PPP2R2C: variants seen among roughly 807,000 people sequenced by gnomAD.
PPP2R2C encodes protein phosphatase 2 regulatory subunit Bgamma, also known as protein phosphatase 2, regulatory subunit B, gamma.
PPP2R2C carries 10 observed loss-of-function variants against 45.3 expected under a neutral mutation model. That is an observed-to-expected ratio of 0.22 (90% CI 0.14 to 0.37). The LOEUF (loss-of-function observed/expected upper bound fraction) is 0.37, where lower values mean the gene tolerates loss of function less well. PPP2R2C is among the 10% of genes least tolerant of loss of function. The pLI is 1.00. For missense variants in PPP2R2C, 308 were observed against 619.7 expected (o/e 0.50, Z 5.34); for synonymous variants, 257 against 245.4 (o/e 1.05, Z -0.44).
chr4:6,426,958 T>G (rs1382977290), intron 1 of PPP2R2C, among the ~76,000 whole-genome samples: 1 of 152,230 alleles, frequency 6.6e-6, no homozygotes, highest in African/African-American at 2.4e-5. Flanking sequence ...AAAAGCTAAG[T>G]TAATTTTGAA....
intron 2 of PPP2R2C, among the ~76,000 whole-genome samples, chr4:6,492,265 T>TTG (rs1158981516): frequency 3.9e-5 from 6 of 152,054 alleles, no homozygotes; most frequent in Admixed American, 3.3e-4. Context: ...CCAGAGAAGG[T>TTG]ATCACCACCC....
At chr4:6,542,977 A>G (rs1724854824) in intron 1 of PPP2R2C, among the ~76,000 whole-genome samples, 1 of 152,260 alleles carries the variant, frequency 6.6e-6, no homozygotes, top group Admixed American at 6.5e-5. Context: ...GAAAAAAAGC[A>G]GGGAGGCCTG....
intron 1 of PPP2R2C, among the ~76,000 whole-genome samples, chr4:6,390,133 G>T (rs375455943): frequency 6.6e-6 from 1 of 152,144 alleles, no homozygotes; most frequent in Admixed American, 6.5e-5. Context: ...TTACCTCCAC[G>T]TACTTCCAGG....
intron 2 of PPP2R2C, among the ~76,000 whole-genome samples, chr4:6,523,814 T>C (rs1724102498): frequency 6.6e-6 from 1 of 152,234 alleles, no homozygotes; most frequent in African/African-American, 2.4e-5. Flanking sequence ...GGAAACACCC[T>C]AAGTATCCAT....
intron 2 of PPP2R2C, among the ~76,000 whole-genome samples, chr4:6,481,896 T>C (rs970147838): frequency 1.4e-5 from 2 of 145,872 alleles, no homozygotes; most frequent in African/African-American, 5.1e-5. Context: ...GAAGAATAGC[T>C]TGAAGCCGGG....
intron 1 of PPP2R2C, chr4:6,383,621 GA>G (rs1716015490): frequency 2.0e-6 from 1 of 502,174 alleles, no homozygotes; most frequent in African/African-American, 2.0e-5. Flanking sequence ...TCACCTTGCT[GA>G]AACTGCTGTC....
At chr4:6,411,112 C>A (rs1718162214) in intron 1 of PPP2R2C, among the ~76,000 whole-genome samples, 2 of 152,030 alleles carry the variant, frequency 1.3e-5, no homozygotes, top group East Asian at 3.9e-4. Flanking sequence ...CTCAAGTGAT[C>A]TACCCACCTC....
intron 1 of PPP2R2C, among the ~76,000 whole-genome samples, chr4:6,537,794 C>T (rs1724681185): frequency 6.6e-6 from 1 of 152,156 alleles, no homozygotes; most frequent in Admixed American, 6.5e-5. Context: ...TCGTGATCCA[C>T]CTGCCTCGGC....
At chr4:6,433,126 G>A (rs976739960) in intron 1 of PPP2R2C, among the ~76,000 whole-genome samples, 2 of 152,126 alleles carry the variant, frequency 1.3e-5, no homozygotes, top group Non-Finnish European at 2.9e-5. Context: ...ATCAAGAGGA[G>A]GCTATTAGTT....
intron 1 of PPP2R2C, among the ~76,000 whole-genome samples, chr4:6,541,580 T>A (rs984396413): frequency 7.2e-5 from 11 of 152,058 alleles, no homozygotes; most frequent in Non-Finnish European, 4.4e-5. Context: ...AGAGTCCCAC[T>A]CTGTCACCCA....
intron 1 of PPP2R2C, among the ~76,000 whole-genome samples, chr4:6,456,200 A>AT (rs1232711275): frequency 2.0e-5 from 3 of 152,244 alleles, no homozygotes; most frequent in Non-Finnish European, 2.9e-5. Flanking sequence ...AGTGCATTTA[A>AT]TATTTTAAAA....
At position 6,331,856 on chromosome 4, in the gene PPP2R2C, G is replaced by A. The variant is rs72616118; in HGVS notation, c.960+1706C>T. ...TGTGGGAGAAAAATAGCCCCGATTTGTTAAGCACCGCACACCAGCCGAACG... is the reference window on the plus strand; with the variant it reads ...TGTGGGAGAAAAATAGCCCCGATTTATTAAGCACCGCACACCAGCCGAACG... On this transcript the variant is annotated intron_variant, in intron 7 of 8. Coordinates refer to ENST00000382599, the MANE Select transcript of PPP2R2C (RefSeq NM_020416.4). This position sits in a 1 kb window ranked among gnomAD's most constrained non-coding sequence, Gnocchi z 5.9. 0.23 allele frequency among the ~76,000 whole-genome samples: 35,020 copies of A among 152,076 alleles called. 4,334 individuals are homozygous for A. The highest frequency in any genetic ancestry group is 0.28 in the East Asian group (1,435 of 5,166).
chr4:6,382,286 G>T (rs1436255076), intron 1 of PPP2R2C: 1 of 1,265,590 alleles, frequency 7.9e-7, no homozygotes, highest in African/African-American at 1.5e-5. Context: ...TTGCTCTCCT[G>T]GCCTGGATTC....
rs989271779 is a variant in PPP2R2C, at chr4:6,427,528, A to G, written c.70+44632T>C. On this transcript the variant is annotated intron_variant, in intron 1 of 8. Coordinates refer to ENST00000382599, the MANE Select transcript of PPP2R2C (RefSeq NM_020416.4). ...CTCACTGGGTCTCTGGGCTTCACAT[A>G]GGCTGGACCTGCCAGGAATGAGCCC... is the stretch of plus-strand genomic sequence containing the variant. Among the ~76,000 whole-genome samples, 8 of 152,328 alleles carry G rather than the reference A, an allele frequency of 5.3e-5. No homozygotes were observed. The South Asian group carries it at 1.0e-3, about 20-fold the overall frequency.
intron 2 of PPP2R2C, among the ~76,000 whole-genome samples, chr4:6,521,870 C>G (rs1334241489): frequency 6.6e-6 from 1 of 152,138 alleles, no homozygotes; most frequent in Non-Finnish European, 1.5e-5. Flanking sequence ...CACGGAAGAG[C>G]CGGGAAGCAC....
intron 1 of PPP2R2C, among the ~76,000 whole-genome samples, chr4:6,441,802 C>A (rs1720168473): frequency 6.6e-6 from 1 of 152,224 alleles, no homozygotes; most frequent in Non-Finnish European, 1.5e-5. Flanking sequence ...CCACTCTTCA[C>A]TGTGGGTCTC....
chr4:6,404,813 A>T (rs950533348), intron 1 of PPP2R2C, among the ~76,000 whole-genome samples: 2 of 152,202 alleles, frequency 1.3e-5, no homozygotes. Context: ...AGATTCTGAG[A>T]CACAACGGGC....
chr4:6,359,460 A>T (rs1241855985), intron 5 of PPP2R2C, among the ~76,000 whole-genome samples: 1 of 152,192 alleles, frequency 6.6e-6, no homozygotes, highest in Non-Finnish European at 1.5e-5. Flanking sequence ...AAACATGCAC[A>T]TTGTGCACAT....
At chr4:6,395,869 G>A (rs1351751894) in intron 1 of PPP2R2C, among the ~76,000 whole-genome samples, 1 of 152,184 alleles carries the variant, frequency 6.6e-6, no homozygotes, top group Non-Finnish European at 1.5e-5. Context: ...CCCAGCTGGT[G>A]TGAGTCCCAG....
Sources: gnomAD v4.1 joint callset for allele counts (sites outside exome capture counted in the v4.1 genomes callset) on GRCh38, gnomAD v4.1.1 for gene constraint, Gnocchi (gnomAD v3.1) non-coding constraint, MANE v1.5 for transcripts, NCBI Gene and HGNC (gene_info 2026-07-23, HGNC 2026-07-21) for gene names.